NYAP2: variants seen among roughly 807,000 people sequenced by gnomAD.
The protein encoded by NYAP2 is neuronal tyrosine-phosphorylated phosphoinositide-3-kinase adapter 2.
A neutral mutation model predicts 50.4 loss-of-function variants in NYAP2; 23 were observed. The ratio of observed to expected loss-of-function variants is 0.46; its 90% CI spans 0.33 to 0.65. The LOEUF (loss-of-function observed/expected upper bound fraction) is 0.65, where lower values mean the gene tolerates loss of function less well. Ranked by LOEUF, NYAP2 falls within the 30% of genes least tolerant of loss-of-function variation. The pLI is 0.02. For synonymous variants in NYAP2, 394 were observed against 365.2 expected (o/e 1.08, Z -0.90); for missense variants, 885 against 861.0 (o/e 1.03, Z -0.35).
At chr2:225,408,056 G>A (rs1005018028) in intron 2 of NYAP2, among the ~76,000 whole-genome samples, 1 of 151,902 alleles carries the variant, frequency 6.6e-6, no homozygotes, top group African/African-American at 2.4e-5. Flanking sequence ...TTTTACAGTT[G>A]AGAGTAATAT....
chr2:225,629,042 C>A (rs772632921), intron 6 of NYAP2, among the ~76,000 whole-genome samples: 1 of 152,066 alleles, frequency 6.6e-6, no homozygotes, highest in Non-Finnish European at 1.5e-5. Context: ...GGGATTAGTT[C>A]GCATAATCAT....
intron 3 of NYAP2, among the ~76,000 whole-genome samples, chr2:225,500,835 A>G (rs1289669444): frequency 6.6e-6 from 1 of 152,176 alleles, no homozygotes; most frequent in Non-Finnish European, 1.5e-5. Flanking sequence ...TTTTTCTGGT[A>G]TGAAATTTCA....
At chr2:225,471,177 G>T (rs1432403099) in intron 3 of NYAP2, among the ~76,000 whole-genome samples, 3 of 152,178 alleles carry the variant, frequency 2.0e-5, no homozygotes, top group Non-Finnish European at 4.4e-5. Context: ...CTGCATTACT[G>T]CATGTACTAT....
intron 3 of NYAP2, among the ~76,000 whole-genome samples, chr2:225,418,557 G>T (rs1481819980): frequency 1.3e-5 from 2 of 152,192 alleles, no homozygotes; most frequent in Non-Finnish European, 2.9e-5. Context: ...TGGATGGGAG[G>T]TGTGAAAGCA....
chr2:225,665,949 C>T, the NYAP2 span, among the ~76,000 whole-genome samples: 2 of 151,248 alleles, frequency 1.3e-5, no homozygotes, highest in African/African-American at 4.9e-5. Context: ...CAGCTATTCC[C>T]AGGGGCTTTG....
At chr2:225,636,136 G>T (rs942532170) in intron 6 of NYAP2, among the ~76,000 whole-genome samples, 2 of 152,094 alleles carry the variant, frequency 1.3e-5, no homozygotes, top group Admixed American at 6.6e-5. Flanking sequence ...TTATTCCAAA[G>T]AATGTTATAA....
chr2:225,559,340 T>C (rs1448961852), intron 4 of NYAP2, among the ~76,000 whole-genome samples: 1 of 62,630 alleles, frequency 1.6e-5, no homozygotes. Flanking sequence ...GAAGGCATTG[T>C]ACAAATGCCA....
At chr2:225,667,728 T>A in the NYAP2 span, among the ~76,000 whole-genome samples, 2 of 152,170 alleles carry the variant, frequency 1.3e-5, no homozygotes, top group Non-Finnish European at 2.9e-5. Context: ...CCCAAATGAA[T>A]CTTCAATGGA....
At chr2:225,417,083 T>A (rs1695137470) in intron 3 of NYAP2, among the ~76,000 whole-genome samples, 1 of 152,202 alleles carries the variant, frequency 6.6e-6, no homozygotes, top group African/African-American at 2.4e-5. Context: ...TTGGAGGATA[T>A]CTTTAACTAA....
intron 3 of NYAP2, among the ~76,000 whole-genome samples, chr2:225,465,844 C>A (rs1689907620): frequency 6.6e-6 from 1 of 152,238 alleles, no homozygotes; most frequent in Admixed American, 6.5e-5. Context: ...CAATCACTTA[C>A]TAAAGTGTAC....
At chr2:225,616,552 TAG>T (rs1373415277) in intron 5 of NYAP2, among the ~76,000 whole-genome samples, 1 of 152,140 alleles carries the variant, frequency 6.6e-6, no homozygotes, top group Non-Finnish European at 1.5e-5. Flanking sequence ...GGGTGACTGG[TAG>T]AGTGAGAGTT....
At chr2:225,531,550 C>T (rs912172968) in intron 4 of NYAP2, among the ~76,000 whole-genome samples, 4 of 152,234 alleles carry the variant, frequency 2.6e-5, no homozygotes, top group East Asian at 1.9e-4. Context: ...CTACTGCAGA[C>T]GTGGGCTTAA....
chr2:225,465,169 A>G (rs1002021309), intron 3 of NYAP2, among the ~76,000 whole-genome samples: 2 of 152,188 alleles, frequency 1.3e-5, no homozygotes, highest in Non-Finnish European at 2.9e-5. Context: ...AGTGGAGGAC[A>G]TATCGACTTA....
chr2:225,638,390 T>C (rs1693464568), intron 6 of NYAP2, among the ~76,000 whole-genome samples: 1 of 152,030 alleles, frequency 6.6e-6, no homozygotes, highest in African/African-American at 2.4e-5. Flanking sequence ...CACAAGAGAC[T>C]GGGTGAATGG....
At chr2:225,685,792 A>T in the NYAP2 span, among the ~76,000 whole-genome samples, 1 of 152,178 alleles carries the variant, frequency 6.6e-6, no homozygotes. Context: ...TTTAGTGTGA[A>T]TCAATTTTCT....
rs867882226 is a variant in NYAP2, at chr2:225,622,365, T to A, written c.1619-4552T>A. ...CAATTATTTTTCCTTGCTTTGTTTT[T>A]TCTGCAGAGCACTGATTACCATCCA... On this transcript the variant is annotated intron_variant, in intron 5 of 6. Coordinates refer to ENST00000636099, the Ensembl canonical transcript of NYAP2. Among the ~76,000 whole-genome samples the A allele has an allele frequency of 1.3e-5, 2 of 152,168 alleles. 1 individual carries two copies. The highest frequency in any genetic ancestry group is 4.1e-4 in the South Asian group (2 of 4,830).
chr2:225,406,241 C>T (rs138839892), intron 2 of NYAP2, among the ~76,000 whole-genome samples: 1,748 of 151,938 alleles, frequency 0.012, 18 homozygotes, highest in South Asian at 0.018. Flanking sequence ...TTCAGGACAG[C>T]CTCACAGCCT....
chr2:225,437,666 T>A (rs1380253475), intron 3 of NYAP2, among the ~76,000 whole-genome samples: 2 of 152,178 alleles, frequency 1.3e-5, no homozygotes, highest in African/African-American at 2.4e-5. Flanking sequence ...GTAAATGAGG[T>A]CTTCTTTCAC....
chr2:225,638,256 C>T (rs1340715101), intron 6 of NYAP2, among the ~76,000 whole-genome samples: 3 of 149,786 alleles, frequency 2.0e-5, no homozygotes, highest in East Asian at 4.0e-4. Flanking sequence ...AGTGTCCATC[C>T]AATAGAAGAG....
Sources: allele counts gnomAD v4.1 joint callset (sites outside exome capture counted in the v4.1 genomes callset), GRCh38; gene constraint gnomAD v4.1.1; transcripts MANE v1.5; gene names NCBI Gene and HGNC (gene_info 2026-07-23, HGNC 2026-07-21).